POU6F2: variants seen among roughly 807,000 people sequenced by gnomAD.
The protein encoded by POU6F2 is POU domain, class 6, transcription factor 2.
POU6F2 carries 31 observed loss-of-function variants against 71.3 expected under a neutral mutation model. The ratio of observed to expected loss-of-function variants is 0.43; its 90% confidence interval spans 0.33 to 0.59. The LOEUF is 0.59. Ranked by LOEUF, POU6F2 falls within the 20% of genes least tolerant of loss-of-function variation. The pLI, the probability that POU6F2 is intolerant of heterozygous loss-of-function variation, is 0.04. For synonymous variants in POU6F2, 347 were observed against 355.7 expected (o/e 0.98, Z 0.27); for missense variants, 783 against 856.8 (o/e 0.91, Z 1.07).
chr7:39,263,762 A>G (rs1273370153), intron 4 of POU6F2, among the ~76,000 whole-genome samples: 1 of 151,914 alleles, frequency 6.6e-6, no homozygotes. Flanking sequence ...GCATTTTTTT[A>G]TTGTCTATTT....
At chr7:38,999,610 T>G (rs1788840475) in intron 1 of POU6F2, among the ~76,000 whole-genome samples, 1 of 152,224 alleles carries the variant, frequency 6.6e-6, no homozygotes, top group Non-Finnish European at 1.5e-5. Context: ...TCCTTGTCTA[T>G]GCAGAGGTGA....
At chr7:39,129,780 T>G (rs1021646692) in intron 2 of POU6F2, among the ~76,000 whole-genome samples, 6 of 151,994 alleles carry the variant, frequency 3.9e-5, no homozygotes, top group African/African-American at 1.4e-4. Flanking sequence ...AAAATTTTTT[T>G]CGGCCGGGCG....
chr7:39,100,265 C>T (rs932178810), intron 2 of POU6F2, among the ~76,000 whole-genome samples: 3 of 152,186 alleles, frequency 2.0e-5, no homozygotes, highest in Non-Finnish European at 2.9e-5. Context: ...CTATCAGTGC[C>T]ACACTTCCAA....
At chr7:39,084,876 C>A (rs2128720658) in intron 1 of POU6F2, among the ~76,000 whole-genome samples, 1 of 152,260 alleles carries the variant, frequency 6.6e-6, no homozygotes, top group Admixed American at 6.5e-5. Flanking sequence ...AAGGGCACTT[C>A]TTGCTCTCCT....
intron 4 of POU6F2, among the ~76,000 whole-genome samples, chr7:39,243,376 A>G (rs550403307): frequency 2.0e-5 from 3 of 152,094 alleles, no homozygotes; most frequent in South Asian, 2.1e-4. Context: ...CCCCTTAACC[A>G]GGGCATAATT....
At chr7:39,065,590 G>GA (rs766955091) in intron 1 of POU6F2, among the ~76,000 whole-genome samples, 36 of 151,010 alleles carry the variant, frequency 2.4e-4, no homozygotes, top group Non-Finnish European at 4.7e-4. Flanking sequence ...TAAAATAGGG[G>GA]AAAAAAAGCA....
intron 2 of POU6F2, among the ~76,000 whole-genome samples, chr7:39,094,631 A>G (rs1236607030): frequency 6.6e-6 from 1 of 152,100 alleles, no homozygotes; most frequent in Non-Finnish European, 1.5e-5. Flanking sequence ...GTCTTTTAAT[A>G]CCAATATGGC....
rs1476488639 is a variant in POU6F2 at position 39,011,616 on chromosome 7, T to C, written c.105+33558T>C. 6.1e-3 allele frequency among the ~76,000 whole-genome samples: 904 copies of C among 148,758 alleles called. 10 individuals are homozygous for C. The highest frequency in any genetic ancestry group is 0.021 in the African/African-American group (867 of 40,592). On this transcript the variant is annotated intron_variant, in intron 1 of 9. Coordinates refer to ENST00000518318, the MANE Select transcript of POU6F2 (RefSeq NM_001370959.1). ...ATTAGTTGATGCAGTTTCTTCCTAGTCTCGATGGTCTTTACATTTTGGCAT... is the reference window on the plus strand; with the variant it reads ...ATTAGTTGATGCAGTTTCTTCCTAGCCTCGATGGTCTTTACATTTTGGCAT...
At chr7:39,037,735 C>T (rs1025682282) in intron 1 of POU6F2, among the ~76,000 whole-genome samples, 2 of 152,106 alleles carry the variant, frequency 1.3e-5, no homozygotes, top group South Asian at 2.1e-4. Context: ...TTTTCAAAAA[C>T]AGGTCTAGTT....
At chr7:39,096,806 T>C (rs1791463888) in intron 2 of POU6F2, among the ~76,000 whole-genome samples, 1 of 152,248 alleles carries the variant, frequency 6.6e-6, no homozygotes, top group Non-Finnish European at 1.5e-5. Flanking sequence ...TGGTTTGTTT[T>C]AATGTGGCTA....
In POU6F2 at chr7:39,414,592, G is replaced by C. The variant is rs1787628547; in HGVS notation, c.1113+7852G>C. Among the ~76,000 whole-genome samples the C allele has an allele frequency of 2.0e-5, 3 of 152,226 alleles. No homozygotes were observed. The South Asian group carries it at 6.2e-4, about 32-fold the overall frequency. On this transcript the variant is annotated intron_variant, in intron 6 of 9. Coordinates refer to ENST00000518318, the MANE Select transcript of POU6F2 (RefSeq NM_001370959.1). The stretch of plus-strand genomic sequence containing the variant: ...GACTTGACAGGAAGCTTTGCTGCGG[G>C]GCGGCCCAGCTGCGGACGCGCGGGA...
At chr7:39,431,240 G>A (rs1428079420) in intron 6 of POU6F2, among the ~76,000 whole-genome samples, 3 of 152,144 alleles carry the variant, frequency 2.0e-5, no homozygotes, top group African/African-American at 7.2e-5. Flanking sequence ...ATTGACAAAT[G>A]CCGTTGATAC....
intron 1 of POU6F2, among the ~76,000 whole-genome samples, chr7:39,029,419 G>A (rs1278389111): frequency 6.6e-6 from 1 of 151,534 alleles, no homozygotes; most frequent in Non-Finnish European, 1.5e-5. Flanking sequence ...TGATAGTGAG[G>A]TTAAGCATAT....
At chr7:39,023,981 G>A (rs1003228772) in intron 1 of POU6F2, among the ~76,000 whole-genome samples, 21 of 152,048 alleles carry the variant, frequency 1.4e-4, no homozygotes, top group Admixed American at 1.4e-3. Context: ...TTGACTTGGA[G>A]ATGTGGGCTC....
chr7:39,195,897 C>T (rs948914219), intron 2 of POU6F2, among the ~76,000 whole-genome samples: 3 of 152,076 alleles, frequency 2.0e-5, no homozygotes, highest in Admixed American at 6.5e-5. Flanking sequence ...TCACTTCGCC[C>T]ACATCTCCTC....
chr7:39,141,594 A>T (rs1792502727), intron 2 of POU6F2, among the ~76,000 whole-genome samples: 1 of 152,208 alleles, frequency 6.6e-6, no homozygotes, highest in Non-Finnish European at 1.5e-5. Context: ...CAACCCTTAA[A>T]ACTTATCTAT....
chr7:39,001,201 T>A (rs1376013139), intron 1 of POU6F2, among the ~76,000 whole-genome samples: 2 of 151,374 alleles, frequency 1.3e-5, no homozygotes, highest in Admixed American at 6.6e-5. Context: ...CAGCATTAAA[T>A]TTCCATAATG....
In POU6F2 at chr7:39,000,529, A is replaced by G. The variant is rs1562662004; in HGVS notation, c.105+22471A>G. Among the ~76,000 whole-genome samples, 5 of 45,794 alleles carry G rather than the reference A, an allele frequency of 1.1e-4. No individual in the cohort carries two copies. The South Asian group carries it at 5.9e-3, about 54-fold the overall frequency. 30.0% of individuals were successfully genotyped at this position (45,794 alleles called of 152,430 possible). A position where few individuals can be genotyped will look rare whatever the true frequency, so the allele number is the denominator to read the frequency against. Reference sequence around the variant, plus strand: ...CTCTCCATTTTCTCAACATACCCACAGACACACACACACACACACACACAC... The same window carrying G: ...CTCTCCATTTTCTCAACATACCCACGGACACACACACACACACACACACAC... On this transcript the variant is annotated intron_variant, in intron 1 of 9. Coordinates refer to ENST00000518318, the MANE Select transcript of POU6F2 (RefSeq NM_001370959.1).
rs1170599647 is a variant in POU6F2, at chr7:39,015,854, TATATATA to T, written c.105+37803_105+37809del. Among the ~76,000 whole-genome samples, 199 of 20,382 alleles carry T rather than the reference TATATATA, an allele frequency of 9.8e-3. 4 individuals are homozygous for T. The highest frequency in any genetic ancestry group is 0.017 in the African/African-American group (176 of 10,136). The allele number at this position is 20,382 out of a possible 152,430, so 13.4% of individuals were successfully genotyped here. ...AGATATATAATATATTATATATAGA[TATATATA>T]ATATATTATATATAGATATATATTA... On this transcript the variant is annotated intron_variant, in intron 1 of 9. Coordinates refer to ENST00000518318, the MANE Select transcript of POU6F2 (RefSeq NM_001370959.1).
Sources: gnomAD v4.1 joint callset for allele counts (sites outside exome capture counted in the v4.1 genomes callset) on GRCh38, gnomAD v4.1.1 for gene constraint, MANE v1.5 for transcripts, NCBI Gene and HGNC (gene_info 2026-07-23, HGNC 2026-07-21) for gene names.